Variants in ST14 observed in about 807,000 individuals in gnomAD.
ST14 encodes the protein suppressor of tumorigenicity 14 protein.
ST14 carries 40 observed loss-of-function variants against 96.5 expected under a neutral mutation model. The observed-to-expected ratio is 0.41, with a 90% confidence interval of 0.32 to 0.54. The LOEUF is 0.54. Ranked by LOEUF, ST14 falls within the 20% of genes least tolerant of loss-of-function variation. ST14 has a pLI of 0.17. For missense variants in ST14, 1,066 were observed against 1,188.9 expected, an observed-to-expected ratio of 0.90 and a Z score of 1.52; for synonymous variants, 506 against 492.1, an observed-to-expected ratio of 1.03 and a Z score of -0.37.
chr11:130,191,414 G>A (rs1315938699), intron 7 of ST14, among the ~76,000 whole-genome samples: 1 of 152,154 alleles, frequency 6.6e-6, no homozygotes, highest in African/African-American at 2.4e-5. Context: ...TATGGGCCGG[G>A]CATGGTGGCT....
intron 9 of ST14, 41 bp downstream of exon 9, chr11:130,194,778 A>G: frequency 6.3e-7 from 1 of 1,595,022 alleles, no homozygotes. Context: ...GTGTGTGAGC[A>G]TGTATGTGCA....
chr11:130,180,855 G>A (rs1953185235), intron 1 of ST14, among the ~76,000 whole-genome samples: 1 of 152,154 alleles, frequency 6.6e-6, no homozygotes, highest in South Asian at 2.1e-4. Flanking sequence ...GTTTTGGAGA[G>A]CCCGGCCTTG....
intron 7 of ST14, 84 bp downstream of exon 7, chr11:130,190,778 A>G: frequency 2.7e-6 from 4 of 1,457,322 alleles, no homozygotes; most frequent in South Asian, 1.4e-5. Flanking sequence ...ATTGGGATAC[A>G]GTTTATGACT....
At chr11:130,206,288 C>T (rs796410722) in intron 16 of ST14, among the ~76,000 whole-genome samples, 1 of 152,086 alleles carries the variant, frequency 6.6e-6, no homozygotes, top group Admixed American at 6.5e-5. Flanking sequence ...GGGGGCTGGT[C>T]GGGAGAGGAG....
At chr11:130,198,865 T>C in intron 14 of ST14, 82 bp from the exon 15 acceptor site, 2 of 1,608,794 alleles carry the variant, frequency 1.2e-6, no homozygotes, top group Non-Finnish European at 1.7e-6. Flanking sequence ...GCAGGGGCCA[T>C]GAGGCGCCAT....
At chr11:130,160,307 G>A (rs1952989795) in intron 1 of ST14, among the ~76,000 whole-genome samples, 1 of 152,042 alleles carries the variant, frequency 6.6e-6, no homozygotes, top group East Asian at 2.0e-4. Context: ...TGCGCCCTCG[G>A]TCCTTTCTTT....
intron 1 of ST14, among the ~76,000 whole-genome samples, chr11:130,163,849 G>A (rs147285693): frequency 7.9e-5 from 12 of 152,332 alleles, no homozygotes; most frequent in African/African-American, 2.9e-4. Context: ...GCTAGCAGTG[G>A]AAATGGTCAG....
In ST14 at chr11:130,197,838, C is replaced by T. The variant is rs970895786; in HGVS notation, c.1355-3C>T. 6 of 1,565,076 alleles carry T rather than the reference C, an allele frequency of 3.8e-6. No homozygotes were observed. The highest frequency in any genetic ancestry group is 1.4e-5 in the African/African-American group (1 of 73,976). ...GGGGCCTCAGGCCTGCCTGTGCCCG[C>T]AGCATGCCCGGGGCAGTTCACGTGC... On this transcript the variant is annotated splice_region_variant and splice_polypyrimidine_tract_variant and intron_variant, in intron 11 of 18. Transcript: ENST00000278742.
chr11:130,200,953 C>T (rs978969832), intron 16 of ST14, among the ~76,000 whole-genome samples: 2 of 152,216 alleles, frequency 1.3e-5, no homozygotes, highest in African/African-American at 2.4e-5. Context: ...TCTGGCTTGC[C>T]GGTGGCCCTG....
chr11:130,204,508 G>A (rs1231145544), intron 16 of ST14, among the ~76,000 whole-genome samples: 1 of 152,150 alleles, frequency 6.6e-6, no homozygotes, highest in Non-Finnish European at 1.5e-5. Context: ...TGGGGAGGTG[G>A]CTGTAAGAAA....
intron 1 of ST14, among the ~76,000 whole-genome samples, chr11:130,179,958 G>A (rs371768817): frequency 4.6e-5 from 7 of 152,292 alleles, no homozygotes; most frequent in African/African-American, 9.6e-5. Flanking sequence ...TTTCTTCCCC[G>A]GGGAAACCCT....
At chr11:130,184,191 T>C (rs1432466229) in intron 1 of ST14, among the ~76,000 whole-genome samples, 1 of 152,202 alleles carries the variant, frequency 6.6e-6, no homozygotes, top group Non-Finnish European at 1.5e-5. Context: ...TCATCTTAGC[T>C]GTGGATGGTT....
At chr11:130,179,395 AC>A (rs1953170180) in intron 1 of ST14, among the ~76,000 whole-genome samples, 1 of 152,126 alleles carries the variant, frequency 6.6e-6, no homozygotes, top group Non-Finnish European at 1.5e-5. Context: ...GAGATCGATT[AC>A]CCCTGGTTGG....
chr11:130,161,177 G>T (rs2136199291), intron 1 of ST14, among the ~76,000 whole-genome samples: 1 of 152,304 alleles, frequency 6.6e-6, no homozygotes, highest in Non-Finnish European at 1.5e-5. Flanking sequence ...ACCACAGACA[G>T]GACCTGGGGC....
At chr11:130,167,890 T>G (rs1275410512) in intron 1 of ST14, among the ~76,000 whole-genome samples, 2 of 152,186 alleles carry the variant, frequency 1.3e-5, no homozygotes, top group East Asian at 3.9e-4. Context: ...AATTTTTGTA[T>G]TTTTAGTAGA....
rs1243324719 is a variant in ST14 at position 130,196,467 on chromosome 11, G to A, written c.1223+19G>A. The A allele has an allele frequency of 6.3e-7, 1 of 1,598,054 alleles. No individual in the cohort carries two copies. Among genetic ancestry groups the A allele is most frequent in the African/African-American group, 1.3e-5 (1 of 74,838 alleles). ...GGGAGAAGTGAGTCCCCGGGGGTAT[G>A]GGGGCTGCCGGGCCCATGCTGCAGG... On this transcript the variant is annotated intron_variant, in intron 10 of 18. Transcript: ENST00000278742.
In ST14 at chr11:130,209,693, A is replaced by G; in HGVS notation, c.2438A>G (p.Glu813Gly). ...GDSGGPLSSV[E>G]ADGRIFQAGV... ...TCCGGGGGACCCCTGTCCAGCGTGG[A>G]GGCGGATGGGCGGATCTTCCAGGCC... The change falls in exon 19 of 19, where the codon GAG becomes GGG. Residue 813 changes from glutamate (E) to glycine (G), a missense_variant. Glu to Gly is a moderately conservative substitution (Grantham distance 98). Coordinates refer to ENST00000278742, the MANE Select transcript of ST14 (RefSeq NM_021978.4). 2 of 1,613,596 alleles carry G rather than the reference A, an allele frequency of 1.2e-6. No homozygotes were observed. Among genetic ancestry groups the G allele is most frequent in the South Asian group, 2.2e-5 (2 of 91,084 alleles).
rs184599151 is a variant in ST14, at chr11:130,187,142, G to A, written c.82-972G>A. On this transcript the variant is annotated intron_variant, in intron 1 of 18. Transcript: ENST00000278742. The surrounding 1 kb of genome is among the most constrained non-coding windows in gnomAD (Gnocchi z 4.5). Reference sequence around the variant, plus strand: ...CAAAAGGGCCAACACCTGTGGGTGTGGGATGGGCTGTTGCTTTTGTTGTGA... The same window carrying A: ...CAAAAGGGCCAACACCTGTGGGTGTAGGATGGGCTGTTGCTTTTGTTGTGA... Among the ~76,000 whole-genome samples, 5 of 152,342 alleles carry A rather than the reference G, an allele frequency of 3.3e-5. No individual in the cohort carries two copies. In the East Asian group the frequency reaches 9.6e-4, roughly 29 times the overall value.
intron 1 of ST14, among the ~76,000 whole-genome samples, chr11:130,172,607 C>T (rs1473607780): frequency 2.6e-5 from 4 of 151,478 alleles, no homozygotes; most frequent in South Asian, 2.1e-4. Context: ...TTAGTAGAGA[C>T]GGGGTTTCAC....
Sources: allele counts gnomAD v4.1 joint callset (sites outside exome capture counted in the v4.1 genomes callset), GRCh38; gene constraint gnomAD v4.1.1; non-coding constraint Gnocchi (gnomAD v3.1); transcripts MANE v1.5; gene names NCBI Gene and HGNC (gene_info 2026-07-23, HGNC 2026-07-21).